The following ZFPM2 variants were observed in gnomAD, a reference collection of about 807,000 sequenced individuals.
ZFPM2 encodes zinc finger protein, FOG family member 2.
In ZFPM2, 20 loss-of-function variants were observed where a neutral mutation model predicts 98.6. The observed-to-expected ratio is 0.20, with a 90% CI of 0.14 to 0.29. ZFPM2 has a LOEUF of 0.29. ZFPM2 is among the 10% of genes least tolerant of loss of function. The pLI, the probability that ZFPM2 is intolerant of heterozygous loss-of-function variation, is 1.00. For synonymous variants in ZFPM2, 518 were observed against 502.7 expected, an observed-to-expected ratio of 1.03 and a Z score of -0.41; for missense variants, 1,310 against 1,388.6, an observed-to-expected ratio of 0.94 and a Z score of 0.90.
At chr8:105,620,800 A>G (rs1242599829) in intron 4 of ZFPM2, among the ~76,000 whole-genome samples, 1 of 152,084 alleles carries the variant, frequency 6.6e-6, no homozygotes, top group Non-Finnish European at 1.5e-5. Flanking sequence ...TCCTTTCCCC[A>G]TTTCTTGTTT....
At chr8:105,484,259 A>G in intron 3 of ZFPM2, among the ~76,000 whole-genome samples, 1 of 152,082 alleles carries the variant, frequency 6.6e-6, no homozygotes, top group East Asian at 1.9e-4. Flanking sequence ...GATATAAACT[A>G]TTCATTCTGC....
intron 3 of ZFPM2, among the ~76,000 whole-genome samples, chr8:105,557,272 A>G (rs1815019537): frequency 6.6e-6 from 1 of 152,130 alleles, no homozygotes; most frequent in Admixed American, 6.6e-5. Flanking sequence ...GTATTACCAT[A>G]TACAAGGTGG....
chr8:105,358,371 A>G (rs1036208763), intron 1 of ZFPM2: 2 of 151,968 alleles, frequency 1.3e-5, no homozygotes, highest in East Asian at 1.9e-4. Context: ...ATATTTCTCA[A>G]CTTTTGCTAG....
intron 4 of ZFPM2, among the ~76,000 whole-genome samples, chr8:105,568,945 G>A (rs1815298511): frequency 6.6e-6 from 1 of 151,766 alleles, no homozygotes; most frequent in Admixed American, 6.6e-5. Flanking sequence ...CGTACATTTG[G>A]TCATGCTGTT....
chr8:105,599,302 T>C (rs1380513222), intron 4 of ZFPM2, among the ~76,000 whole-genome samples: 1 of 151,448 alleles, frequency 6.6e-6, no homozygotes, highest in Non-Finnish European at 1.5e-5. Context: ...AGTTAACAAG[T>C]GCTGGATAGT....
chr8:105,449,797 T>A (rs17285739), intron 3 of ZFPM2, among the ~76,000 whole-genome samples: 13,258 of 152,056 alleles, frequency 0.087, 708 homozygotes, highest in South Asian at 0.15. Flanking sequence ...ATCTAAAGCA[T>A]GGAGCTCAGA....
chr8:105,546,581 A>AAAC (rs1554615903), intron 3 of ZFPM2, among the ~76,000 whole-genome samples: 3 of 150,006 alleles, frequency 2.0e-5, no homozygotes, highest in African/African-American at 7.5e-5. Flanking sequence ...AAAAAAAAAA[A>AAAC]AAACAAACCC....
At chr8:105,593,583 C>T (rs1222860207) in intron 4 of ZFPM2, among the ~76,000 whole-genome samples, 1 of 151,144 alleles carries the variant, frequency 6.6e-6, no homozygotes, top group Non-Finnish European at 1.5e-5. Context: ...CCTCAGATGC[C>T]TCATTTGGAG....
intron 5 of ZFPM2, among the ~76,000 whole-genome samples, chr8:105,700,924 T>A (rs1346445903): frequency 6.6e-6 from 1 of 152,192 alleles, no homozygotes; most frequent in Non-Finnish European, 1.5e-5. Context: ...ACCACATTTT[T>A]AAATTTTTTA....
intron 1 of ZFPM2, chr8:105,387,363 G>C (rs1811015436): frequency 6.1e-6 from 1 of 162,918 alleles, no homozygotes; most frequent in Non-Finnish European, 1.3e-5. Context: ...CGATGGGACT[G>C]GGCGCCGTAG....
chr8:105,327,521 G>A (rs1812136427), intron 1 of ZFPM2, among the ~76,000 whole-genome samples: 1 of 151,544 alleles, frequency 6.6e-6, no homozygotes, highest in Non-Finnish European at 1.5e-5. Context: ...ATAGTGAATT[G>A]ACGAGTCTTC....
chr8:105,730,574 C>G (rs17220900), intron 5 of ZFPM2, among the ~76,000 whole-genome samples: 14,139 of 151,698 alleles, frequency 0.093, 886 homozygotes, highest in Non-Finnish European at 0.14. Context: ...CCAGTGGTCT[C>G]TTTACGTTGT....
At chr8:105,445,385 A>G (rs1026503660) in intron 3 of ZFPM2, among the ~76,000 whole-genome samples, 13 of 152,156 alleles carry the variant, frequency 8.5e-5, no homozygotes, top group African/African-American at 2.9e-4. Context: ...TTTATATCAA[A>G]AATGTATTAT....
chr8:105,406,781 C>T (rs1811467735), intron 1 of ZFPM2, among the ~76,000 whole-genome samples: 1 of 151,950 alleles, frequency 6.6e-6, no homozygotes, highest in Non-Finnish European at 1.5e-5. Flanking sequence ...ATATATTACA[C>T]ACTATAAAGT....
At chr8:105,384,763 C>T (rs1810951707) in intron 1 of ZFPM2, among the ~76,000 whole-genome samples, 1 of 152,142 alleles carries the variant, frequency 6.6e-6, no homozygotes, top group East Asian at 1.9e-4. Flanking sequence ...AAGTCCTTCC[C>T]ATTGTCAGCC....
intron 5 of ZFPM2, among the ~76,000 whole-genome samples, chr8:105,743,614 ACT>A (rs1812276458): frequency 1.3e-5 from 2 of 151,488 alleles, no homozygotes; most frequent in African/African-American, 4.9e-5. Context: ...GATTGTCTTG[ACT>A]CTCTTTGCCA....
chr8:105,456,025 C>T (rs1377140625), intron 3 of ZFPM2, among the ~76,000 whole-genome samples: 3 of 152,044 alleles, frequency 2.0e-5, no homozygotes, highest in Admixed American at 2.0e-4. Context: ...CAAAACAAAC[C>T]TCTATCCCCT....
intron 5 of ZFPM2, among the ~76,000 whole-genome samples, chr8:105,772,888 G>A (rs1813012014): frequency 6.6e-6 from 1 of 152,118 alleles, no homozygotes; most frequent in African/African-American, 2.4e-5. Context: ...CTGTTTCAGA[G>A]GGGAAAGTTA....
At chr8:105,487,918 C>A (rs1391916182) in intron 3 of ZFPM2, among the ~76,000 whole-genome samples, 1 of 96,628 alleles carries the variant, frequency 1.0e-5, no homozygotes, top group African/African-American at 3.6e-5. Flanking sequence ...ATCTATCTAT[C>A]TATCTATCTA....
Sources: gnomAD v4.1 joint callset for allele counts (sites outside exome capture counted in the v4.1 genomes callset) on GRCh38, gnomAD v4.1.1 for gene constraint, MANE v1.5 for transcripts, NCBI Gene and HGNC (gene_info 2026-07-23, HGNC 2026-07-21) for gene names.